ERV3-1: variants seen among roughly 807,000 people sequenced by gnomAD.
ERV3-1 encodes endogenous retrovirus group 3 member 1, envelope.
A neutral mutation model predicts 24.6 loss-of-function variants in ERV3-1; 36 were observed. The observed-to-expected ratio is 1.47, with a 90% confidence interval of 1.12 to 1.94. The LOEUF is 1.94. Among genes scored for constraint, ERV3-1 ranks in the 30% most tolerant of loss-of-function variants. The pLI is 0.00. For synonymous variants in ERV3-1, 211 were observed against 122.6 expected (o/e 1.72, Z -4.76); for missense variants, 578 against 330.9 (o/e 1.75, Z -5.79).
chr7:64,999,336 C>G (rs900615928), intron 1 of ERV3-1, among the ~76,000 whole-genome samples: 2 of 152,184 alleles, frequency 1.3e-5, no homozygotes, highest in East Asian at 3.9e-4. Context: ...CTGGCTGGCT[C>G]GCCAAAATGT....
At chr7:65,003,811 A>G (rs1441023386) in intron 1 of ERV3-1, 1 of 152,220 alleles carries the variant, frequency 6.6e-6, no homozygotes, top group African/African-American at 2.4e-5. Context: ...CATAAAATTT[A>G]GCATTAACAT....
At chr7:64,995,794 AAC>A (rs1335502669) in intron 1 of ERV3-1, among the ~76,000 whole-genome samples, 3 of 152,200 alleles carry the variant, frequency 2.0e-5, no homozygotes, top group African/African-American at 7.2e-5. Context: ...GTTCCCCAGT[AAC>A]AGTCCTCTTG....
At chr7:65,003,452 G>C in intron 1 of ERV3-1, among the ~76,000 whole-genome samples, 1 of 152,184 alleles carries the variant, frequency 6.6e-6, no homozygotes, top group Non-Finnish European at 1.5e-5. Context: ...CTGCACTCCA[G>C]CCTGGGCAAC....
At chr7:65,000,257 C>T (rs1786490722) in intron 1 of ERV3-1, among the ~76,000 whole-genome samples, 1 of 152,002 alleles carries the variant, frequency 6.6e-6, no homozygotes, top group Admixed American at 6.6e-5. Flanking sequence ...GAGTCTCACG[C>T]TGTTGCCCAG....
At chr7:64,998,361 G>A (rs1786449789) in intron 1 of ERV3-1, among the ~76,000 whole-genome samples, 1 of 152,128 alleles carries the variant, frequency 6.6e-6, no homozygotes, top group African/African-American at 2.4e-5. Flanking sequence ...TAAGGAAATT[G>A]GTCTGGATGC....
At chr7:64,999,481 C>A (rs1786474166) in intron 1 of ERV3-1, among the ~76,000 whole-genome samples, 1 of 152,118 alleles carries the variant, frequency 6.6e-6, no homozygotes, top group South Asian at 2.1e-4. Context: ...TACATGCAAC[C>A]AACAGGGGCG....
In ERV3-1 at chr7:64,991,885, C is replaced by A. The variant is rs748101020; in HGVS notation, c.1142G>T (p.Ser381Ile). The A allele has an allele frequency of 6.5e-6, 5 of 766,264 alleles. No homozygotes were observed. In the African/African-American group the frequency reaches 8.5e-5, roughly 13 times the overall value. 47.5% of individuals were successfully genotyped at this position (766,264 alleles called of 1,614,324 possible). A position where few individuals can be genotyped will look rare whatever the true frequency, so the allele number is the denominator to read the frequency against. Residue 381 changes from serine to isoleucine, a missense_variant, in exon 2 of 2, where the codon AGC (serine) becomes ATC (isoleucine). Ser to Ile is a moderately radical substitution (Grantham distance 142). Coordinates refer to ENST00000394323, the MANE Select transcript of ERV3-1 (RefSeq NM_001007253.4). ...TLGKTLWRGK[S>I]NNSESPHPSP... The stretch of plus-strand genomic sequence containing the variant: ...TGGGTGTGGTGATTCAGAATTATTG[C>A]TTTTGCCCCTCCATAAAGTCTTTCC...
chr7:65,005,885 A>G (rs766685922), intron 1 of ERV3-1, among the ~76,000 whole-genome samples: 7 of 152,208 alleles, frequency 4.6e-5, no homozygotes, highest in Non-Finnish European at 1.0e-4. Flanking sequence ...ATTCAGGCTT[A>G]ACCAACTATA....
rs1786657925 is a variant in ERV3-1, at chr7:65,006,637, A to G, written c.-485T>C. ...CAGAAGCTGGGCCTCTAGGAGCAGAAGACACAGAGCAGTGAAGACTACACC... is the reference window on the plus strand; with the variant it reads ...CAGAAGCTGGGCCTCTAGGAGCAGAGGACACAGAGCAGTGAAGACTACACC... On this transcript the variant is annotated 5_prime_UTR_variant, in exon 1 of 2. Coordinates refer to ENST00000394323, the MANE Select transcript of ERV3-1 (RefSeq NM_001007253.4). 2 of 1,537,542 alleles carry G rather than the reference A, an allele frequency of 1.3e-6. No homozygotes were observed. The highest frequency in any genetic ancestry group is 1.8e-6 in the Non-Finnish European group (2 of 1,112,622).
intron 1 of ERV3-1, chr7:65,004,123 G>A (rs1230973188): frequency 2.6e-5 from 4 of 152,104 alleles, no homozygotes; most frequent in East Asian, 3.9e-4. Flanking sequence ...AGGCAAAGGC[G>A]GGCAGATCGG....
At chr7:65,004,868 A>ATTTTTTTTT (rs56371820) in intron 1 of ERV3-1, 2 of 107,752 alleles carry the variant, frequency 1.9e-5, no homozygotes, top group East Asian at 2.7e-4. Context: ...GCCAGGTTTG[A>ATTTTTTTTT]TTTTTTTTTT....
Position 64,992,326 on chromosome 7 carries a change from T to G in ERV3-1, c.701A>C (p.Tyr234Ser). Residue 234 changes from tyrosine (Y) to serine (S), a missense_variant, in exon 2 of 2, where the codon TAT (tyrosine) becomes TCT (serine). Coordinates refer to ENST00000394323, the MANE Select transcript of ERV3-1 (RefSeq NM_001007253.4). ...VSGEEIGPGA[Y>S]VYLYIIKKTR... ...TTTCTTTATGATATATAGATAGACA[T>G]AGGCTCCTGGGCCAATTTCTTCACC... The G allele has an allele frequency of 3.9e-6, 3 of 766,266 alleles. No individual in the cohort carries two copies. The highest frequency in any genetic ancestry group is 1.3e-5 in the South Asian group (1 of 74,614). The allele number at this position is 766,266 out of a possible 1,614,324, so 47.5% of individuals were successfully genotyped here. A position where few individuals can be genotyped will look rare whatever the true frequency, so the allele number is the denominator to read the frequency against.
rs1313801913 is a variant in ERV3-1, at chr7:64,992,776, G to A, written c.251C>T (p.Pro84Leu). Residue 84 changes from proline (P) to leucine (L), a missense_variant, in exon 2 of 2, where the codon CCT becomes CTT. Transcript: ENST00000394323. ...GRGQPYVCYD[P>L]KSSPGTWFEI... ...AAACCAGGTCCCAGGTGAAGACTTA[G>A]GGTCATAACACACATAAGGCTGGCC... is the stretch of plus-strand genomic sequence containing the variant. 1.3e-6 allele frequency: 1 copy of A among 766,418 alleles called. No homozygotes were observed. Among genetic ancestry groups the A allele is most frequent in the Admixed American group, 1.7e-5 (1 of 59,048 alleles). The allele number at this position is 766,418 out of a possible 1,614,324, so 47.5% of individuals were successfully genotyped here.
In ERV3-1 at chr7:64,992,336, G is replaced by A. The variant is rs1349669968; in HGVS notation, c.691C>T (p.Pro231Ser). The A allele has an allele frequency of 1.3e-6, 1 of 766,232 alleles. No homozygotes were observed. The highest frequency in any genetic ancestry group is 2.4e-6 in the Non-Finnish European group (1 of 417,900). The allele number at this position is 766,232 out of a possible 1,614,324, so 47.5% of individuals were successfully genotyped here. Reference protein sequence around the residue: ...GARVSGEEIGPGAYVYLYIIK... With the variant: ...GARVSGEEIGSGAYVYLYIIK... ...ATATATAGATAGACATAGGCTCCTG[G>A]GCCAATTTCTTCACCGCTGACTCGT... The change falls in exon 2 of 2, where the codon CCA becomes TCA. Residue 231 changes from proline to serine, a missense_variant. Pro to Ser is a moderately conservative substitution (Grantham distance 74). Transcript: ENST00000394323.
intron 1 of ERV3-1, among the ~76,000 whole-genome samples, chr7:64,997,182 C>T (rs1474231260): frequency 6.6e-6 from 1 of 152,228 alleles, no homozygotes; most frequent in African/African-American, 2.4e-5. Context: ...GTTTCCCTTC[C>T]TGTGAGGACT....
chr7:65,004,626 T>C (rs1786597744), intron 1 of ERV3-1: 1 of 152,162 alleles, frequency 6.6e-6, no homozygotes, highest in East Asian at 1.9e-4. Context: ...TCAAAATAAG[T>C]GAACAAACCT....
At chr7:65,001,584 T>G (rs1409900114) in intron 1 of ERV3-1, among the ~76,000 whole-genome samples, 1 of 152,166 alleles carries the variant, frequency 6.6e-6, no homozygotes, top group Non-Finnish European at 1.5e-5. Context: ...TAAGAGCTCC[T>G]TTCCTCTAAG....
In ERV3-1 at chr7:64,992,285, T is replaced by G. The variant is rs1298123875; in HGVS notation, c.742A>C (p.Thr248Pro). The G allele has an allele frequency of 1.3e-6, 1 of 766,344 alleles. No individual in the cohort carries two copies. The highest frequency in any genetic ancestry group is 1.3e-5 in the South Asian group (1 of 74,616). 47.5% of individuals were successfully genotyped at this position (766,344 alleles called of 1,614,324 possible). Residue 248 changes from threonine to proline, a missense_variant, in exon 2 of 2, where the codon ACC (threonine) becomes CCC (proline). Coordinates refer to ENST00000394323, the MANE Select transcript of ERV3-1 (RefSeq NM_001007253.4). ...GACTCAAAAACTCGGAACTGTTGGG[T>G]TGAGCGGGTCCGAGTTTTCTTTATG... ...YIIKKTRTRS[T>P]QQFRVFESFY...
chr7:65,006,355 C>T, intron 1 of ERV3-1, 186 bp downstream of exon 1: 1 of 979,464 alleles, frequency 1.0e-6, no homozygotes, highest in Non-Finnish European at 1.5e-6. Flanking sequence ...GCCCGGGGTC[C>T]GAGCTGTCAG....
Sources: gnomAD v4.1 joint callset for allele counts (sites outside exome capture counted in the v4.1 genomes callset) on GRCh38, gnomAD v4.1.1 for gene constraint, MANE v1.5 for transcripts, NCBI Gene and HGNC (gene_info 2026-07-23, HGNC 2026-07-21) for gene names.